Variants in PLXDC2 observed in about 807,000 individuals in gnomAD.
PLXDC2 encodes plexin domain-containing protein 2.
In PLXDC2, 40 loss-of-function variants were observed where a neutral mutation model predicts 68.9. That is an observed-to-expected ratio of 0.58 (90% CI 0.45 to 0.76). The LOEUF (loss-of-function observed/expected upper bound fraction) is 0.76, where lower values mean the gene tolerates loss of function less well. Among genes scored for constraint, PLXDC2 ranks in the 30% least tolerant of loss-of-function variants. The pLI is 0.00. For missense variants in PLXDC2, 644 were observed against 661.9 expected (o/e 0.97, Z 0.30); for synonymous variants, 243 against 234.2 (o/e 1.04, Z -0.34).
At chr10:19,982,870 T>A (rs1435422675) in intron 1 of PLXDC2, among the ~76,000 whole-genome samples, 1 of 152,234 alleles carries the variant, frequency 6.6e-6, no homozygotes, top group Non-Finnish European at 1.5e-5. Flanking sequence ...TGCAATTGCC[T>A]CTTTATTGAA....
At chr10:19,923,533 A>T (rs781341820) in intron 1 of PLXDC2, among the ~76,000 whole-genome samples, 3 of 152,232 alleles carry the variant, frequency 2.0e-5, no homozygotes, top group Non-Finnish European at 4.4e-5. Context: ...TTCATTTGAT[A>T]TGGGCAGAAA....
intron 4 of PLXDC2, among the ~76,000 whole-genome samples, chr10:20,097,983 AC>A (rs1311060571): frequency 2.0e-5 from 3 of 150,044 alleles, no homozygotes; most frequent in Non-Finnish European, 3.0e-5. Context: ...TATTTATATT[AC>A]TTATAAAGTT....
intron 1 of PLXDC2, among the ~76,000 whole-genome samples, chr10:19,954,901 G>A (rs1057295481): frequency 2.6e-5 from 4 of 152,036 alleles, no homozygotes; most frequent in African/African-American, 7.2e-5. Context: ...CATCCCTGTC[G>A]TATCTATCTG....
intron 13 of PLXDC2, among the ~76,000 whole-genome samples, chr10:20,268,534 T>C (rs1222504591): frequency 6.6e-6 from 1 of 152,232 alleles, no homozygotes; most frequent in African/African-American, 2.4e-5. Flanking sequence ...AATCATTCTC[T>C]TGTGTTGTTT....
chr10:20,180,119 G>C (rs538668138), intron 9 of PLXDC2, among the ~76,000 whole-genome samples: 3 of 152,000 alleles, frequency 2.0e-5, no homozygotes, highest in Non-Finnish European at 4.4e-5. Context: ...ATCGAGCAAA[G>C]TCTAAGACTT....
At chr10:20,068,911 C>T (rs567937383) in intron 4 of PLXDC2, among the ~76,000 whole-genome samples, 8 of 152,102 alleles carry the variant, frequency 5.3e-5, no homozygotes, top group African/African-American at 9.6e-5. Flanking sequence ...AGTCTTCAAG[C>T]GCTACTAGAA....
At chr10:19,943,252 T>G (rs1833846980) in intron 1 of PLXDC2, among the ~76,000 whole-genome samples, 1 of 145,774 alleles carries the variant, frequency 6.9e-6, no homozygotes, top group Non-Finnish European at 1.5e-5. Context: ...ACTTTTTTTT[T>G]TTCTTATAAG....
rs1392892637 is a variant in PLXDC2 at position 20,289,443 on chromosome 10, C to T, written c.*9624C>T. On this transcript the variant is annotated 3_prime_UTR_variant, in exon 14 of 14. Coordinates refer to ENST00000377252, the MANE Select transcript of PLXDC2 (RefSeq NM_032812.9). Reference sequence around the variant, plus strand: ...TCTGTCACTAATCTTGCTTTATGAACTCCTTTGATTTTCTGAATAAGTTCC... The same window carrying T: ...TCTGTCACTAATCTTGCTTTATGAATTCCTTTGATTTTCTGAATAAGTTCC... 12 of 152,342 alleles carry T rather than the reference C, an allele frequency of 7.9e-5. No homozygotes were observed. 9.4% of individuals were successfully genotyped at this position (152,342 alleles called of 1,614,324 possible).
chr10:20,083,820 G>T (rs193092419), intron 4 of PLXDC2, among the ~76,000 whole-genome samples: 27 of 152,120 alleles, frequency 1.8e-4, no homozygotes, highest in African/African-American at 6.5e-4. Context: ...CACAACACTA[G>T]TTTATTACAT....
chr10:20,279,304 T>C (rs1346732755), intron 13 of PLXDC2, among the ~76,000 whole-genome samples: 1 of 152,186 alleles, frequency 6.6e-6, no homozygotes. Flanking sequence ...CAAAATGAAG[T>C]GATATCAGTA....
intron 4 of PLXDC2, among the ~76,000 whole-genome samples, chr10:20,135,700 T>G (rs1321339955): frequency 6.6e-6 from 1 of 152,198 alleles, no homozygotes; most frequent in Non-Finnish European, 1.5e-5. Flanking sequence ...ATTGGTAATT[T>G]TATGAACATA....
chr10:20,228,629 G>A (rs1835318219), intron 12 of PLXDC2, among the ~76,000 whole-genome samples: 1 of 150,144 alleles, frequency 6.7e-6, no homozygotes, highest in Non-Finnish European at 1.5e-5. Flanking sequence ...AAGGAAGGAA[G>A]GGCGGAAGGG....
At chr10:19,857,624 G>C (rs1172928442) in intron 1 of PLXDC2, among the ~76,000 whole-genome samples, 1 of 152,160 alleles carries the variant, frequency 6.6e-6, no homozygotes. Context: ...TTGTATCCAT[G>C]TATTGGTATG....
At chr10:20,139,292 C>CA (rs1346602802) in intron 4 of PLXDC2, among the ~76,000 whole-genome samples, 1 of 152,190 alleles carries the variant, frequency 6.6e-6, no homozygotes, top group Non-Finnish European at 1.5e-5. Flanking sequence ...ATTTGAGATT[C>CA]AAAGAACAAA....
chr10:20,231,484 CAT>C lies in PLXDC2; in HGVS notation c.1312+12383_1312+12384del, dbSNP rs1224608104. ...GAAAAAAGGTTTAAAATTAAAAACT[CAT>C]GTGTTCAATTTAAGTAGATAAGCCA... On this transcript the variant is annotated intron_variant, in intron 12 of 13. Transcript: ENST00000377252. 7.3e-5 allele frequency among the ~76,000 whole-genome samples: 11 copies of C among 151,374 alleles called. No homozygotes were observed. The East Asian group carries it at 1.4e-3, about 19-fold the overall frequency.
chr10:20,261,823 C>T (rs963653158), intron 13 of PLXDC2, among the ~76,000 whole-genome samples: 2 of 151,874 alleles, frequency 1.3e-5, no homozygotes, highest in African/African-American at 4.8e-5. Context: ...CATTGTACTC[C>T]AGCCTGGGCG....
chr10:19,910,968 C>A (rs546007949), intron 1 of PLXDC2, among the ~76,000 whole-genome samples: 14 of 152,022 alleles, frequency 9.2e-5, no homozygotes, highest in Non-Finnish European at 1.9e-4. Flanking sequence ...GAGATCATGC[C>A]ACTGCACTCC....
At chr10:19,877,124 T>C (rs1389239232) in intron 1 of PLXDC2, among the ~76,000 whole-genome samples, 1 of 152,106 alleles carries the variant, frequency 6.6e-6, no homozygotes, top group African/African-American at 2.4e-5. Context: ...CTAGTGATAT[T>C]CTGATAAAAG....
At chr10:20,119,400 A>G (rs1057187604) in intron 4 of PLXDC2, among the ~76,000 whole-genome samples, 13 of 151,750 alleles carry the variant, frequency 8.6e-5, no homozygotes, top group Non-Finnish European at 1.6e-4. Context: ...GGGGGTCACA[A>G]GGTACTCAGT....
Sources: gnomAD v4.1 joint callset for allele counts (sites outside exome capture counted in the v4.1 genomes callset) on GRCh38, gnomAD v4.1.1 for gene constraint, MANE v1.5 for transcripts, NCBI Gene and HGNC (gene_info 2026-07-23, HGNC 2026-07-21) for gene names.